GUCY2D: variants seen among roughly 807,000 people sequenced by gnomAD.
GUCY2D encodes the protein retinal guanylyl cyclase 1.
In GUCY2D, 70 loss-of-function variants were observed where a neutral mutation model predicts 101.3. The observed-to-expected ratio is 0.69, with a 90% CI of 0.57 to 0.84. The LOEUF is 0.84. Among genes scored for constraint, GUCY2D ranks in the 40% least tolerant of loss-of-function variants. The pLI is 0.00. For missense variants in GUCY2D, 1,460 were observed against 1,542.5 expected, an observed-to-expected ratio of 0.95 and a Z score of 0.90; for synonymous variants, 688 against 670.7, an observed-to-expected ratio of 1.03 and a Z score of -0.40.
intron 7 of GUCY2D, 98 bp from the exon 8 acceptor site, chr17:8,009,408 G>A: frequency 1.2e-6 from 1 of 823,818 alleles, no homozygotes; most frequent in Non-Finnish European, 2.2e-6. Flanking sequence ...TGCATTCTGG[G>A]ACAGTGAGCC....
rs201319533 is a variant in GUCY2D, at chr17:8,016,318, G to A, written c.3224+28G>A. On this transcript the variant is annotated intron_variant, in intron 18 of 19. Transcript: ENST00000254854. ...GAGGGGCCGGCCTCCGCGGCAGGGC[G>A]AGGGACGAGGGACCCCTGCCTCCTG... 416 of 1,490,182 alleles carry A rather than the reference G, an allele frequency of 2.8e-4. 2 individuals are homozygous for A. In the East Asian group the frequency reaches 3.2e-3, roughly 11 times the overall value. 92.3% of individuals were successfully genotyped at this position (1,490,182 alleles called of 1,614,324 possible). A position where few individuals can be genotyped will look rare whatever the true frequency, so the allele number is the denominator to read the frequency against.
chr17:8,006,218 A>C, intron 3 of GUCY2D, 145 bp from the exon 4 acceptor site: 1 of 704,922 alleles, frequency 1.4e-6, no homozygotes, highest in Non-Finnish European at 2.6e-6. Context: ...GGAGGGAGGA[A>C]GAGATAGCCA....
At chr17:8,012,802 G>A (rs60130989) in intron 10 of GUCY2D, among the ~76,000 whole-genome samples, 196 bp downstream of exon 10, 4,481 of 152,332 alleles carry the variant, frequency 0.029, 207 homozygotes, top group African/African-American at 0.096. Flanking sequence ...TGCTGGGGGC[G>A]GGACTTGTAC....
intron 4 of GUCY2D, 152 bp downstream of exon 4, chr17:8,006,866 T>A (rs998441882): frequency 5.7e-6 from 5 of 873,866 alleles, no homozygotes; most frequent in Non-Finnish European, 7.4e-6. Flanking sequence ...CCTCTCTTGC[T>A]GAGCTCCAAA....
At position 8,012,222 on chromosome 17, in the gene GUCY2D, C is replaced by A. The variant is rs779224998; in HGVS notation, c.1828C>A (p.Leu610Ile). 5.5e-5 allele frequency: 88 copies of A among 1,613,886 alleles called. No homozygotes were observed. Among genetic ancestry groups the A allele is most frequent in the Non-Finnish European group, 7.4e-5 (87 of 1,179,868 alleles). ...LARGAEGPAA[L>I]WEGNLAVVSE... is the part of the protein sequence containing the mutation. ...TCGGGGAGCAGAAGGCCCTGCGGCC[C>A]TCTGGGAGGGCAACCTGGCTGTGGT... Residue 610 changes from leucine to isoleucine, a missense_variant, in exon 9 of 20, where the codon CTC (leucine) becomes ATC (isoleucine). This residue lies in a region of GUCY2D where 1,196 missense variants were observed against 1,229.6 expected (regional missense o/e 0.97). Transcript: ENST00000254854.
chr17:8,019,532 CT>C (rs1337190793), intron 19 of GUCY2D, among the ~76,000 whole-genome samples: 1 of 152,204 alleles, frequency 6.6e-6, no homozygotes, highest in Non-Finnish European at 1.5e-5. Context: ...GCCCTGACCC[CT>C]CCCCAGCTAG....
At chr17:8,008,684 T>C (rs1435215114) in intron 7 of GUCY2D, among the ~76,000 whole-genome samples, 1 of 152,194 alleles carries the variant, frequency 6.6e-6, no homozygotes, top group African/African-American at 2.4e-5. Context: ...GAGGAGGCAC[T>C]ATTGTCATTT....
intron 19 of GUCY2D, among the ~76,000 whole-genome samples, chr17:8,017,203 C>A (rs181356213): frequency 6.6e-6 from 1 of 152,292 alleles, no homozygotes; most frequent in African/African-American, 2.4e-5. Flanking sequence ...CTGCTGTGAT[C>A]CCTTCAGTGG....
chr17:8,014,026 C>T lies in GUCY2D; in HGVS notation c.2410C>T (p.Leu804=). ...GCCCTCCATGGACCACACCTTCGAC[C>T]TGGTCAGGGGCTGGGAGTGGGCAAG... ...LRPSMDHTFD[L]FKNINKGRKT... Residue 804 remains leucine (L), a splice_region_variant and synonymous_variant, in exon 12 of 20, where the codon CTG becomes TTG. Transcript: ENST00000254854. This position sits in a 1 kb window ranked among gnomAD's most constrained non-coding sequence, Gnocchi z 4.0. 2 of 1,612,468 alleles carry T rather than the reference C, an allele frequency of 1.2e-6. No individual in the cohort carries two copies. The highest frequency in any genetic ancestry group is 1.3e-5 in the African/African-American group (1 of 74,934).
chr17:8,014,644 C>T lies in GUCY2D; in HGVS notation c.2456C>T (p.Ser819Leu), dbSNP rs777766926. The T allele has an allele frequency of 8.7e-6, 14 of 1,613,854 alleles. No individual in the cohort carries two copies. The highest frequency in any genetic ancestry group is 5.5e-5 in the South Asian group (5 of 91,078). The change falls in exon 13 of 20, where the codon TCG (serine) becomes TTG (leucine). Residue 819 changes from serine to leucine, a missense_variant. This residue lies in a region of GUCY2D where 1,196 missense variants were observed against 1,229.6 expected (regional missense o/e 0.97). Transcript: ENST00000254854. The surrounding 1 kb of genome is among the most constrained non-coding windows in gnomAD (Gnocchi z 4.0). The part of the protein sequence containing the change: ...NKGRKTNIID[S>L]MLRMLEQYSS... ...GGCCGGAAGACGAACATCATTGACT[C>T]GATGCTTCGGATGCTGGAGCAGTAC...
Position 8,014,741 on chromosome 17 carries a change from G to C in GUCY2D, c.2553G>C (p.Arg851=). The C allele has an allele frequency of 1.9e-6, 3 of 1,613,684 alleles. No individual in the cohort carries two copies. Among genetic ancestry groups the C allele is most frequent in the Non-Finnish European group, 2.5e-6 (3 of 1,179,902 alleles). ...AGCTGGAAAAGCAGAAGACAGACCG[G>C]CTGCTTACACAGATGCTGCCTCCGT... ...ELELEKQKTD[R]LLTQMLPPSV... is the part of the protein sequence containing the mutation. The change falls in exon 13 of 20, where the codon CGG becomes CGC. Residue 851 remains arginine (R), a synonymous_variant. Coordinates refer to ENST00000254854, the MANE Select transcript of GUCY2D (RefSeq NM_000180.4). This position sits in a 1 kb window ranked among gnomAD's most constrained non-coding sequence, Gnocchi z 4.0.
rs762582573 is a variant in GUCY2D, at chr17:8,004,195, G to C, written c.1026+39G>C. The C allele has an allele frequency of 9.7e-6, 15 of 1,541,204 alleles. No individual in the cohort carries two copies. In the East Asian group the frequency reaches 3.4e-4, roughly 35 times the overall value. Reference sequence around the variant, plus strand: ...GGAGGAGGGAAGAAGGCAAGGGAGAGGGGAGAGGACAGCCAAAGCAGGGAG... The same window carrying C: ...GGAGGAGGGAAGAAGGCAAGGGAGACGGGAGAGGACAGCCAAAGCAGGGAG... On this transcript the variant is annotated intron_variant, in intron 3 of 19. Transcript: ENST00000254854.
rs1469682064 is a variant in GUCY2D at position 8,004,123 on chromosome 17, C to T, written c.993C>T (p.Arg331=). The T allele has an allele frequency of 2.5e-6, 4 of 1,597,474 alleles. No homozygotes were observed. Among genetic ancestry groups the T allele is most frequent in the Middle Eastern group, 1.7e-4 (1 of 6,052 alleles). Residue 331 remains arginine, a synonymous_variant, in exon 3 of 20, where the codon CGC becomes CGT. Transcript: ENST00000254854. ...VLDSLRRAQE[R]RELPSDLNLQ... ...ACAGCCTGCGCAGGGCTCAAGAGCGCCGCGAGCTGCCCTCTGACCTCAATC... is the reference window on the plus strand; with the variant it reads ...ACAGCCTGCGCAGGGCTCAAGAGCGTCGCGAGCTGCCCTCTGACCTCAATC...
In GUCY2D at chr17:8,003,689, C is replaced by T. The variant is rs758939310; in HGVS notation, c.642C>T (p.Ser214=). The change falls in exon 2 of 20, where the codon TCC becomes TCT. Residue 214 remains serine (S), a synonymous_variant. Transcript: ENST00000254854. ...GGGCCCGGGGCCTGCCTGTCGCCTC[C>T]GTGACTTCCATGGAGCCCTTGGACC... ...ALRARGLPVA[S]VTSMEPLDLS... The T allele has an allele frequency of 6.3e-7, 1 of 1,597,626 alleles. No individual in the cohort carries two copies. Among genetic ancestry groups the T allele is most frequent in the Non-Finnish European group, 8.5e-7 (1 of 1,179,316 alleles).
chr17:8,012,175 T>C lies in GUCY2D; in HGVS notation c.1781T>C (p.Leu594Pro). 2 of 1,614,026 alleles carry C rather than the reference T, an allele frequency of 1.2e-6. No homozygotes were observed. Among genetic ancestry groups the C allele is most frequent in the Non-Finnish European group, 8.5e-7 (1 of 1,179,970 alleles). Residue 594 changes from leucine (L) to proline (P), a missense_variant, in exon 9 of 20, where the codon CTC becomes CCC. Leu to Pro is a moderately conservative substitution (Grantham distance 98). Around this residue, in one of 3 missense-constraint regions of GUCY2D, gnomAD observed 1,196 missense variants for 1,229.6 expected, o/e 0.97. Transcript: ENST00000254854. The part of the protein sequence containing the change: ...LQELRHENVA[L>P]YLGLFLARGA... ...GAGCTCCGGCATGAGAACGTGGCCC[T>C]CTACCTGGGGCTTTTCCTGGCTCGG... is the stretch of plus-strand genomic sequence containing the variant.
At chr17:8,008,784 C>A (rs1030627586) in intron 7 of GUCY2D, among the ~76,000 whole-genome samples, 3 of 152,236 alleles carry the variant, frequency 2.0e-5, no homozygotes, top group African/African-American at 4.8e-5. Context: ...ACTAATGCAG[C>A]TCCTAGTTTT....
rs1398472253 is a variant in GUCY2D at position 8,013,634 on chromosome 17, AAT to A, written c.2264-243_2264-242del. 6.8e-6 allele frequency: 4 copies of A among 590,848 alleles called. No individual in the cohort carries two copies. The highest frequency in any genetic ancestry group is 1.2e-5 in the Non-Finnish European group (4 of 331,360). 36.6% of individuals were successfully genotyped at this position (590,848 alleles called of 1,614,324 possible). A position where few individuals can be genotyped will look rare whatever the true frequency, so the allele number is the denominator to read the frequency against. ...CCTATCCCTCACTTGTCTTACATAC[AAT>A]ATGTTAGTTTCTTTGCCTATGTCAC... is the stretch of plus-strand genomic sequence containing the variant. On this transcript the variant is annotated intron_variant, in intron 11 of 19. Coordinates refer to ENST00000254854, the MANE Select transcript of GUCY2D (RefSeq NM_000180.4). This position sits in a 1 kb window ranked among gnomAD's most constrained non-coding sequence, Gnocchi z 5.0.
chr17:8,014,169 T>G lies in GUCY2D; in HGVS notation c.2412+141T>G, dbSNP rs1975915219. 4 of 792,162 alleles carry G rather than the reference T, an allele frequency of 5.0e-6. No homozygotes were observed. The highest frequency in any genetic ancestry group is 8.6e-6 in the Non-Finnish European group (4 of 463,558). 49.1% of individuals were successfully genotyped at this position (792,162 alleles called of 1,614,324 possible). On this transcript the variant is annotated intron_variant, in intron 12 of 19. Coordinates refer to ENST00000254854, the MANE Select transcript of GUCY2D (RefSeq NM_000180.4). The surrounding 1 kb of genome is among the most constrained non-coding windows in gnomAD (Gnocchi z 4.0). ...ACCTCCTAAGGAGTAGCCTGAAGAC[T>G]CGGAGTTTGGGGGCAGAATTGGAAT...
rs373767265 is a variant in GUCY2D at position 8,013,138 on chromosome 17, C to G, written c.2149C>G (p.Pro717Ala). The change falls in exon 11 of 20, where the codon CCA becomes GCA. Residue 717 changes from proline to alanine, a missense_variant. Coordinates refer to ENST00000254854, the MANE Select transcript of GUCY2D (RefSeq NM_000180.4). This position sits in a 1 kb window ranked among gnomAD's most constrained non-coding sequence, Gnocchi z 5.0. ...GACAGCCCCGGAGCTGCTTAGGGACCCAGCCCTGGAGCGCCGGGGAACGCT... is the reference window on the plus strand; with the variant it reads ...GACAGCCCCGGAGCTGCTTAGGGACGCAGCCCTGGAGCGCCGGGGAACGCT... ...LWTAPELLRD[P>A]ALERRGTLAG... 2 of 1,613,670 alleles carry G rather than the reference C, an allele frequency of 1.2e-6. No homozygotes were observed. Among genetic ancestry groups the G allele is most frequent in the African/African-American group, 2.7e-5 (2 of 75,026 alleles).
Sources: gnomAD v4.1 joint callset for allele counts (sites outside exome capture counted in the v4.1 genomes callset) on GRCh38, gnomAD v4.1.1 for gene constraint, gnomAD v4.1.1 regional missense constraint, Gnocchi (gnomAD v3.1) non-coding constraint, MANE v1.5 for transcripts, NCBI Gene and HGNC (gene_info 2026-07-23, HGNC 2026-07-21) for gene names.